Variants in PXDNL observed in about 807,000 individuals in gnomAD.
PXDNL encodes the protein probable oxidoreductase PXDNL.
In PXDNL, 145 loss-of-function variants were observed where a neutral mutation model predicts 150.8. The ratio of observed to expected loss-of-function variants is 0.96; its 90% CI spans 0.84 to 1.10. The LOEUF (loss-of-function observed/expected upper bound fraction) is 1.10. Among genes scored for constraint, PXDNL ranks in the 50% least tolerant of loss-of-function variants. The pLI, the probability that PXDNL is intolerant of heterozygous loss-of-function variation, is 0.00. For missense variants in PXDNL, 2,087 were observed against 1,873.9 expected, an observed-to-expected ratio of 1.11 and a Z score of -2.10; for synonymous variants, 757 against 725.7, an observed-to-expected ratio of 1.04 and a Z score of -0.69.
intron 3 of PXDNL, among the ~76,000 whole-genome samples, chr8:51,569,994 C>A (rs1812900715): frequency 6.6e-6 from 1 of 151,942 alleles, no homozygotes; most frequent in Admixed American, 6.6e-5. Context: ...CACTGCGAAG[C>A]TGCAGAGCAG....
At position 51,722,035 on chromosome 8, in the gene PXDNL, G is replaced by GT. The variant is rs34148601; in HGVS notation, c.165-67276dup. 8.1e-3 allele frequency: 1,583 copies of GT among 195,920 alleles called. 25 individuals are homozygous for GT. Among genetic ancestry groups the GT allele is most frequent in the African/African-American group, 0.03 (1,252 of 42,296 alleles). 12.1% of individuals were successfully genotyped at this position (195,920 alleles called of 1,614,324 possible). On this transcript the variant is annotated intron_variant, in intron 1 of 22. Transcript: ENST00000356297. ...CCTAACTTCTTTAAGGAGAGCTGTA[G>GT]TTTTTTCTAATCTGCTGCTGCTGTT...
Position 51,434,415 on chromosome 8 carries a change from TCA to T in PXDNL, c.1526-7659_1526-7658del. On this transcript the variant is annotated intron_variant, in intron 12 of 22. Coordinates refer to ENST00000356297, the MANE Select transcript of PXDNL (RefSeq NM_144651.5). ...GGCCCTATGCCTTGTTGCTTCTTCATCACACTTAACACTCTCTGGAATACACG... is the reference window on the plus strand; with the variant it reads ...GGCCCTATGCCTTGTTGCTTCTTCATCACTTAACACTCTCTGGAATACACG... 2.0e-5 allele frequency among the ~76,000 whole-genome samples: 3 copies of T among 152,328 alleles called. No individual in the cohort carries two copies. In the East Asian group the frequency reaches 5.8e-4, roughly 29 times the overall value.
chr8:51,435,047 G>A (rs907505803), intron 12 of PXDNL, among the ~76,000 whole-genome samples: 28 of 152,138 alleles, frequency 1.8e-4, no homozygotes, highest in Admixed American at 6.5e-4. Context: ...GGCCGGATGC[G>A]ATGGCTCAGG....
chr8:51,577,017 A>G (rs914144035), intron 3 of PXDNL, among the ~76,000 whole-genome samples: 3 of 151,986 alleles, frequency 2.0e-5, no homozygotes, highest in African/African-American at 7.2e-5. Flanking sequence ...ACATTCTTGA[A>G]AAAGAAATCT....
At chr8:51,382,521 T>G (rs1807580081) in intron 17 of PXDNL, among the ~76,000 whole-genome samples, 1 of 152,224 alleles carries the variant, frequency 6.6e-6, no homozygotes, top group Admixed American at 6.5e-5. Flanking sequence ...ACTATTGTCC[T>G]AAACCTTACA....
At chr8:51,714,127 A>C (rs902919240) in intron 1 of PXDNL, among the ~76,000 whole-genome samples, 2 of 152,222 alleles carry the variant, frequency 1.3e-5, no homozygotes, top group African/African-American at 4.8e-5. Flanking sequence ...AATAAGTAAA[A>C]TTAAGTCATC....
intron 1 of PXDNL, among the ~76,000 whole-genome samples, chr8:51,740,347 A>G (rs1037573727): frequency 6.6e-6 from 1 of 152,236 alleles, no homozygotes; most frequent in African/African-American, 2.4e-5. Context: ...GTATATACCC[A>G]GTAATAATAT....
In PXDNL at chr8:51,537,202, C is replaced by T. The variant is rs1274097850; in HGVS notation, c.380+19638G>A. On this transcript the variant is annotated intron_variant, in intron 4 of 22. Coordinates refer to ENST00000356297, the MANE Select transcript of PXDNL (RefSeq NM_144651.5). ...CTTTGAAAAAAACCACTGATGCCAGCACCCTCCTCCTGAGATTCTGATTCA... is the reference window on the plus strand; with the variant it reads ...CTTTGAAAAAAACCACTGATGCCAGTACCCTCCTCCTGAGATTCTGATTCA... Among the ~76,000 whole-genome samples, 6 of 152,170 alleles carry T rather than the reference C, an allele frequency of 3.9e-5. No homozygotes were observed. The South Asian group carries it at 1.2e-3, about 32-fold the overall frequency.
At chr8:51,415,749 C>A (rs1808782463) in intron 14 of PXDNL, among the ~76,000 whole-genome samples, 1 of 151,970 alleles carries the variant, frequency 6.6e-6, no homozygotes, top group Non-Finnish European at 1.5e-5. Context: ...AAAGAGATAA[C>A]CATAAAATGA....
rs753007735 is a variant in PXDNL at position 51,374,708 on chromosome 8, A to G, written c.3581T>C (p.Ile1194Thr). Residue 1194 changes from isoleucine to threonine, a missense_variant, in exon 18 of 23, where the codon ATT becomes ACT. Ile to Thr is a moderately conservative substitution (Grantham distance 89). Coordinates refer to ENST00000356297, the MANE Select transcript of PXDNL (RefSeq NM_144651.5). ...AACCATAAGGGCGGGCCAGAGGTCA[A>G]TGTCACCTGGAGAGCCGTACAACCT... ...LRKLYGSPGD[I>T]DLWPALMVED... 5.6e-6 allele frequency: 9 copies of G among 1,613,840 alleles called. No homozygotes were observed. The Admixed American group carries it at 8.3e-5, about 15-fold the overall frequency.
At chr8:51,326,619 A>T (rs577268222) in intron 21 of PXDNL, among the ~76,000 whole-genome samples, 2 of 152,330 alleles carry the variant, frequency 1.3e-5, no homozygotes, top group South Asian at 4.1e-4. Flanking sequence ...TATTCAAACT[A>T]TTGCAGTTTT....
intron 4 of PXDNL, among the ~76,000 whole-genome samples, chr8:51,522,429 C>A (rs1811680558): frequency 6.6e-6 from 1 of 152,156 alleles, no homozygotes; most frequent in Non-Finnish European, 1.5e-5. Context: ...TGAGCTCCAG[C>A]ATTAAAGGAC....
chr8:51,612,656 C>A (rs984038529), intron 2 of PXDNL, among the ~76,000 whole-genome samples: 3 of 152,098 alleles, frequency 2.0e-5, no homozygotes, highest in Non-Finnish European at 4.4e-5. Context: ...TAAAAGAGAC[C>A]CCCACAGAGC....
chr8:51,703,478 C>G (rs1448092565), intron 1 of PXDNL, among the ~76,000 whole-genome samples: 11 of 152,176 alleles, frequency 7.2e-5, no homozygotes, highest in Non-Finnish European at 1.3e-4. Flanking sequence ...CCAACAATCT[C>G]AGGATTTGAT....
At position 51,599,717 on chromosome 8, in the gene PXDNL, A is replaced by G. The variant is rs868805643; in HGVS notation, c.237-7019T>C. On this transcript the variant is annotated intron_variant, in intron 2 of 22. Transcript: ENST00000356297. Reference sequence around the variant, plus strand: ...AATTATATCTTATATAAATGATGTCATTTATATAATAAATTATATCTTATA... The same window carrying G: ...AATTATATCTTATATAAATGATGTCGTTTATATAATAAATTATATCTTATA... Among the ~76,000 whole-genome samples, 987 of 116,064 alleles carry G rather than the reference A, an allele frequency of 8.5e-3. 6 individuals are homozygous for G. The highest frequency in any genetic ancestry group is 0.018 in the South Asian group (68 of 3,860). 76.1% of individuals were successfully genotyped at this position (116,064 alleles called of 152,430 possible).
Position 51,409,383 on chromosome 8 carries a change from G to A in PXDNL, c.2241C>T (p.Thr747=). ...CTGGCTGCAGCAGGCGCGCGAAGGC[G>A]GTCAGCGCCGCGCCCCACGTGGGCT... is the stretch of plus-strand genomic sequence containing the variant. The part of the protein sequence containing the change: ...LQQPTWGAAL[T]AFARLLQPAY... Residue 747 remains threonine (T), a synonymous_variant, in exon 17 of 23, where the codon ACC becomes ACT. Transcript: ENST00000356297. 1.3e-6 allele frequency: 2 copies of A among 1,593,050 alleles called. No individual in the cohort carries two copies. The highest frequency in any genetic ancestry group is 1.7e-6 in the Non-Finnish European group (2 of 1,172,150).
At chr8:51,642,829 A>G (rs979675093) in intron 2 of PXDNL, among the ~76,000 whole-genome samples, 21 of 152,280 alleles carry the variant, frequency 1.4e-4, no homozygotes, top group African/African-American at 4.3e-4. Context: ...AAGCTGATAA[A>G]CAACTTCAGC....
intron 5 of PXDNL, among the ~76,000 whole-genome samples, chr8:51,497,565 A>T (rs1011739790): frequency 1.8e-4 from 28 of 152,218 alleles, no homozygotes; most frequent in Non-Finnish European, 3.2e-4. Flanking sequence ...CAGAATCTAC[A>T]CTGAACTCAA....
rs758077364 is a variant in PXDNL, at chr8:51,374,739, A to G, written c.3558-8T>C. The stretch of plus-strand genomic sequence containing the variant: ...CCTGGAGAGCCGTACAACCTGGAAC[A>G]GAGACAGGCAGACAGCGCACACCTG... On this transcript the variant is annotated splice_region_variant and splice_polypyrimidine_tract_variant and intron_variant, in intron 17 of 22. Coordinates refer to ENST00000356297, the MANE Select transcript of PXDNL (RefSeq NM_144651.5). 6.2e-7 allele frequency: 1 copy of G among 1,613,478 alleles called. No individual in the cohort carries two copies. Among genetic ancestry groups the G allele is most frequent in the Non-Finnish European group, 8.5e-7 (1 of 1,179,586 alleles).
Sources: gnomAD v4.1 joint callset for allele counts (sites outside exome capture counted in the v4.1 genomes callset) on GRCh38, gnomAD v4.1.1 for gene constraint, MANE v1.5 for transcripts, NCBI Gene and HGNC (gene_info 2026-07-23, HGNC 2026-07-21) for gene names.